ZNF804B: variants seen among roughly 807,000 people sequenced by gnomAD.
The protein encoded by ZNF804B is zinc finger 804B.
ZNF804B carries 80 observed loss-of-function variants against 101.4 expected under a neutral mutation model. The ratio of observed to expected loss-of-function variants is 0.79; its 90% CI spans 0.66 to 0.95. The LOEUF is 0.95. Among genes scored for constraint, ZNF804B ranks in the 40% least tolerant of loss-of-function variants. The pLI is 0.00. For missense variants in ZNF804B, 1,673 were observed against 1,561.9 expected (o/e 1.07, Z -1.20); for synonymous variants, 622 against 558.8 (o/e 1.11, Z -1.59).
chr7:88,860,842 C>T (rs760270283), intron 1 of ZNF804B, among the ~76,000 whole-genome samples: 8 of 152,118 alleles, frequency 5.3e-5, no homozygotes, highest in Non-Finnish European at 1.0e-4. Context: ...TATTTGGCAT[C>T]GTCAAATGCC....
chr7:89,009,246 A>T (rs1454444864), intron 1 of ZNF804B, among the ~76,000 whole-genome samples: 3 of 152,086 alleles, frequency 2.0e-5, no homozygotes, highest in Admixed American at 1.3e-4. Flanking sequence ...TAATCTATTT[A>T]CTAAAACATT....
intron 1 of ZNF804B, among the ~76,000 whole-genome samples, chr7:89,172,978 G>A (rs898723985): frequency 2.6e-5 from 4 of 152,090 alleles, no homozygotes; most frequent in African/African-American, 9.7e-5. Context: ...ATGTCTAGTG[G>A]TACCAAAGAA....
rs952928990 is a variant in ZNF804B at position 88,780,937 on chromosome 7, A to C, written c.108+20853A>C. Among the ~76,000 whole-genome samples the C allele has an allele frequency of 2.0e-5, 3 of 152,136 alleles. No homozygotes were observed. In the East Asian group the frequency reaches 5.8e-4, roughly 29 times the overall value. Reference sequence around the variant, plus strand: ...ATTTTATAATGTACTAATTCTGTTCATGGGTATGAATATTAAAATCTAATT... The same window carrying C: ...ATTTTATAATGTACTAATTCTGTTCCTGGGTATGAATATTAAAATCTAATT... On this transcript the variant is annotated intron_variant, in intron 1 of 3. Transcript: ENST00000333190.
chr7:88,818,069 A>G (rs1201332758), intron 1 of ZNF804B, among the ~76,000 whole-genome samples: 1 of 152,190 alleles, frequency 6.6e-6, no homozygotes, highest in Non-Finnish European at 1.5e-5. Context: ...CTAGGGGACT[A>G]TAGGTTTTTC....
chr7:88,955,288 CT>C (rs1231636778), intron 1 of ZNF804B, among the ~76,000 whole-genome samples: 3 of 151,404 alleles, frequency 2.0e-5, no homozygotes, highest in African/African-American at 7.3e-5. Flanking sequence ...TTGCTTTTTA[CT>C]ATAAAGAGTA....
chr7:89,224,734 G>A (rs1789057059), intron 2 of ZNF804B, among the ~76,000 whole-genome samples: 1 of 99,414 alleles, frequency 1.0e-5, no homozygotes, highest in Non-Finnish European at 2.3e-5. Context: ...GTGTGTGTGT[G>A]TGTGTGTGTG....
intron 1 of ZNF804B, among the ~76,000 whole-genome samples, chr7:88,778,217 G>A (rs1790174076): frequency 6.6e-6 from 1 of 151,896 alleles, no homozygotes; most frequent in African/African-American, 2.4e-5. Flanking sequence ...TAGGCTCATT[G>A]CAACCTATCT....
At chr7:88,986,834 A>T (rs1793765310) in intron 1 of ZNF804B, among the ~76,000 whole-genome samples, 1 of 152,130 alleles carries the variant, frequency 6.6e-6, no homozygotes, top group Admixed American at 6.6e-5. Flanking sequence ...CCTACAAAAG[A>T]AGAGTAAGCT....
chr7:89,065,262 T>A (rs139910905), intron 1 of ZNF804B, among the ~76,000 whole-genome samples: 2 of 152,246 alleles, frequency 1.3e-5, no homozygotes, highest in Non-Finnish European at 2.9e-5. Context: ...ACTGGCTGCC[T>A]TTCTTCTCAG....
intron 1 of ZNF804B, among the ~76,000 whole-genome samples, chr7:88,864,746 T>C (rs1198551361): frequency 1.3e-5 from 2 of 152,126 alleles, no homozygotes; most frequent in Admixed American, 6.5e-5. Flanking sequence ...AGATTCAGTG[T>C]TGGTCTCAGG....
chr7:89,111,056 T>G (rs1016699506), intron 1 of ZNF804B, among the ~76,000 whole-genome samples: 3 of 152,210 alleles, frequency 2.0e-5, no homozygotes, highest in African/African-American at 7.2e-5. Context: ...TTTTTATGGC[T>G]CGGTAGCTCA....
intron 1 of ZNF804B, among the ~76,000 whole-genome samples, chr7:88,914,925 T>A (rs1469846505): frequency 6.6e-6 from 1 of 152,182 alleles, no homozygotes; most frequent in Non-Finnish European, 1.5e-5. Flanking sequence ...AAGTTAAAAT[T>A]TAAGGCGTTT....
chr7:88,987,819 A>G (rs934606399), intron 1 of ZNF804B, among the ~76,000 whole-genome samples: 5 of 152,058 alleles, frequency 3.3e-5, no homozygotes, highest in Non-Finnish European at 7.4e-5. Context: ...TCTTAACAAT[A>G]GTTGTCTTAT....
At chr7:89,048,203 A>AACACACACACACAC (rs140428820) in intron 1 of ZNF804B, among the ~76,000 whole-genome samples, 13 of 149,696 alleles carry the variant, frequency 8.7e-5, no homozygotes, top group African/African-American at 2.7e-4. Flanking sequence ...GATGTTCACA[A>AACACACACACACAC]ACACACACAC....
At chr7:89,025,045 C>T (rs1412089423) in intron 1 of ZNF804B, among the ~76,000 whole-genome samples, 1 of 152,064 alleles carries the variant, frequency 6.6e-6, no homozygotes, top group Non-Finnish European at 1.5e-5. Context: ...TATACCACTC[C>T]ACTCCTCTTC....
intron 2 of ZNF804B, among the ~76,000 whole-genome samples, chr7:89,312,015 A>G (rs1790655694): frequency 6.6e-6 from 1 of 152,200 alleles, no homozygotes; most frequent in Non-Finnish European, 1.5e-5. Flanking sequence ...GTGGGAAACT[A>G]GAGCTACCCA....
At chr7:89,325,068 TA>T (rs1230153886) in intron 2 of ZNF804B, among the ~76,000 whole-genome samples, 2 of 152,020 alleles carry the variant, frequency 1.3e-5, no homozygotes, top group African/African-American at 4.8e-5. Context: ...TTCCTGGCTT[TA>T]TATGAATGCT....
At chr7:88,904,482 G>C (rs1219325264) in intron 1 of ZNF804B, among the ~76,000 whole-genome samples, 1 of 151,952 alleles carries the variant, frequency 6.6e-6, no homozygotes, top group East Asian at 1.9e-4. Flanking sequence ...TTCTAATTCT[G>C]TGAAAAATTA....
intron 1 of ZNF804B, among the ~76,000 whole-genome samples, chr7:89,194,133 G>T (rs1345882548): frequency 1.3e-5 from 2 of 151,846 alleles, no homozygotes; most frequent in Non-Finnish European, 2.9e-5. Context: ...GTCTGTTCTT[G>T]TCCTTTGCCC....
Sources: allele counts gnomAD v4.1 joint callset (sites outside exome capture counted in the v4.1 genomes callset), GRCh38; gene constraint gnomAD v4.1.1; transcripts MANE v1.5; gene names NCBI Gene and HGNC (gene_info 2026-07-23, HGNC 2026-07-21).